Variants in KCNAB1 observed in about 807,000 individuals in gnomAD.
The protein encoded by KCNAB1 is potassium voltage-gated channel subfamily A regulatory beta subunit 1.
In KCNAB1, 35 loss-of-function variants were observed where a neutral mutation model predicts 64.6. That is an observed-to-expected ratio of 0.54 (90% CI 0.41 to 0.72). The LOEUF is 0.72. Ranked by LOEUF, KCNAB1 falls within the 30% of genes least tolerant of loss-of-function variation. The pLI is 0.00. For missense variants in KCNAB1, 401 were observed against 512.9 expected (o/e 0.78, Z 2.11); for synonymous variants, 177 against 183.8 (o/e 0.96, Z 0.30).
intron 1 of KCNAB1, among the ~76,000 whole-genome samples, chr3:156,389,644 A>G (rs939839318): frequency 6.6e-6 from 1 of 152,220 alleles, no homozygotes; most frequent in Non-Finnish European, 1.5e-5. Flanking sequence ...GATGCCCAGC[A>G]TTCTGTGTTT....
At chr3:156,462,205 C>T (rs1222166260) in intron 5 of KCNAB1, among the ~76,000 whole-genome samples, 2 of 152,224 alleles carry the variant, frequency 1.3e-5, no homozygotes, top group African/African-American at 4.8e-5. Context: ...ATTTGCCAGG[C>T]TGCTGTCTAC....
chr3:156,292,073 C>T, intron 1 of KCNAB1: 1 of 1,614,142 alleles, frequency 6.2e-7, no homozygotes, highest in Non-Finnish European at 8.5e-7. Context: ...GTTCACGCCT[C>T]AGCATCACAT....
At position 156,386,061 on chromosome 3, in the gene KCNAB1, A is replaced by T. The variant is rs1236766281; in HGVS notation, c.276-35555A>T. On this transcript the variant is annotated intron_variant, in intron 1 of 13. Coordinates refer to ENST00000490337, the MANE Select transcript of KCNAB1 (RefSeq NM_172160.3). ...TCCATACAGGTCTCTAGCAGTCTCA[A>T]TTCTTGCCTCCTCAGAAGAAATAAT... is the stretch of plus-strand genomic sequence containing the variant. Among the ~76,000 whole-genome samples, 6 of 152,230 alleles carry T rather than the reference A, an allele frequency of 3.9e-5. No individual in the cohort carries two copies. In the East Asian group the frequency reaches 1.2e-3, roughly 29 times the overall value.
chr3:156,513,630 C>A (rs2108390093), intron 8 of KCNAB1, among the ~76,000 whole-genome samples: 1 of 152,302 alleles, frequency 6.6e-6, no homozygotes, highest in South Asian at 2.1e-4. Context: ...CAGCTCCATC[C>A]TCTGGGGAAG....
At chr3:156,349,112 TA>T (rs1291906719) in intron 1 of KCNAB1, among the ~76,000 whole-genome samples, 1 of 152,224 alleles carries the variant, frequency 6.6e-6, no homozygotes, top group African/African-American at 2.4e-5. Context: ...CACGCTTAGT[TA>T]TGCAGCTTCT....
intron 1 of KCNAB1, among the ~76,000 whole-genome samples, chr3:156,248,889 G>A (rs185333403): frequency 6.6e-6 from 1 of 152,214 alleles, no homozygotes; most frequent in Non-Finnish European, 1.5e-5. Context: ...CGAGTGTAGA[G>A]GGCAGTACCT....
At chr3:156,131,915 G>T (rs1448759582) in intron 1 of KCNAB1, among the ~76,000 whole-genome samples, 1 of 152,226 alleles carries the variant, frequency 6.6e-6, no homozygotes, top group African/African-American at 2.4e-5. Context: ...GGAGGAGCAG[G>T]TGGAGGCCCC....
rs1052640025 is a variant in KCNAB1 at position 156,290,963 on chromosome 3, C to T, written c.276-130653C>T. 35 of 985,142 alleles carry T rather than the reference C, an allele frequency of 3.6e-5. No homozygotes were observed. In the African/African-American group the frequency reaches 6.1e-4, roughly 17 times the overall value. The allele number at this position is 985,142 out of a possible 1,614,324, so 61.0% of individuals were successfully genotyped here. A position where few individuals can be genotyped will look rare whatever the true frequency, so the allele number is the denominator to read the frequency against. On this transcript the variant is annotated intron_variant, in intron 1 of 13. Transcript: ENST00000490337. ...GGATTTCAAGCTGTGTTTCAGCAAG[C>T]CAGTCACAGAGTATTCACGTGTTAA... is the stretch of plus-strand genomic sequence containing the variant.
At chr3:156,367,428 G>A (rs1042545572) in intron 1 of KCNAB1, among the ~76,000 whole-genome samples, 14 of 151,600 alleles carry the variant, frequency 9.2e-5, no homozygotes, top group East Asian at 3.9e-4. Context: ...TGATCTACCC[G>A]CCTCGGCCTC....
At chr3:156,244,777 G>T (rs1028423293) in intron 1 of KCNAB1, among the ~76,000 whole-genome samples, 8 of 152,192 alleles carry the variant, frequency 5.3e-5, no homozygotes, top group Non-Finnish European at 1.0e-4. Context: ...TAAAGACTTG[G>T]CTGCCAAGGG....
intron 1 of KCNAB1, among the ~76,000 whole-genome samples, chr3:156,342,011 C>G (rs1168823065): frequency 6.6e-6 from 1 of 152,184 alleles, no homozygotes. Flanking sequence ...CAGAGCCACT[C>G]CCTGGCAGCT....
At chr3:156,258,108 G>A (rs1448385994) in intron 1 of KCNAB1, among the ~76,000 whole-genome samples, 1 of 152,136 alleles carries the variant, frequency 6.6e-6, no homozygotes. Flanking sequence ...AAATTCCCAG[G>A]ATTGAGTCTT....
chr3:156,326,239 C>A (rs147686753), intron 1 of KCNAB1, among the ~76,000 whole-genome samples: 2 of 152,146 alleles, frequency 1.3e-5, no homozygotes, highest in Non-Finnish European at 2.9e-5. Context: ...CATGGCATCT[C>A]TATACATCTC....
intron 13 of KCNAB1, among the ~76,000 whole-genome samples, chr3:156,535,269 G>C (rs529621120): frequency 6.6e-6 from 1 of 152,302 alleles, no homozygotes; most frequent in East Asian, 1.9e-4. Flanking sequence ...CAGCAGGATT[G>C]CAACAAAGGA....
At chr3:156,372,077 A>T (rs1043945974) in intron 1 of KCNAB1, among the ~76,000 whole-genome samples, 2 of 152,164 alleles carry the variant, frequency 1.3e-5, no homozygotes, top group East Asian at 3.8e-4. Flanking sequence ...GGTTTAGAGG[A>T]CCTTACTGGT....
intron 2 of KCNAB1, among the ~76,000 whole-genome samples, chr3:156,429,768 A>G (rs1327847433): frequency 6.6e-6 from 1 of 152,208 alleles, no homozygotes; most frequent in African/African-American, 2.4e-5. Context: ...AAATATTATG[A>G]AGTGCCTCCT....
intron 1 of KCNAB1, among the ~76,000 whole-genome samples, chr3:156,336,764 G>A (rs1723741801): frequency 6.6e-6 from 1 of 152,176 alleles, no homozygotes; most frequent in African/African-American, 2.4e-5. Flanking sequence ...ACACCCACTT[G>A]GGCAGCCCAG....
chr3:156,271,366 T>C (rs1377261002), intron 1 of KCNAB1, among the ~76,000 whole-genome samples: 1 of 152,222 alleles, frequency 6.6e-6, no homozygotes, highest in Non-Finnish European at 1.5e-5. Flanking sequence ...GTGTGTTTTA[T>C]TCTTTTTTAT....
intron 1 of KCNAB1, among the ~76,000 whole-genome samples, chr3:156,204,640 G>A (rs924771849): frequency 2.0e-5 from 3 of 152,088 alleles, no homozygotes; most frequent in African/African-American, 7.2e-5. Context: ...AGACCAGCCT[G>A]GCTAACATGG....
Sources: gnomAD v4.1 joint callset for allele counts (sites outside exome capture counted in the v4.1 genomes callset) on GRCh38, gnomAD v4.1.1 for gene constraint, MANE v1.5 for transcripts, NCBI Gene and HGNC (gene_info 2026-07-23, HGNC 2026-07-21) for gene names.